PRSS23: variants seen among roughly 807,000 people sequenced by gnomAD.
PRSS23 encodes protease, serine 23.
A neutral mutation model predicts 34.7 loss-of-function variants in PRSS23; 25 were observed. The ratio of observed to expected loss-of-function variants is 0.72; its 90% CI spans 0.53 to 1.01. The LOEUF (loss-of-function observed/expected upper bound fraction) is 1.01. Among genes scored for constraint, PRSS23 ranks in the 50% least tolerant of loss-of-function variants. The pLI, the probability that PRSS23 is intolerant of heterozygous loss-of-function variation, is 0.00. For missense variants in PRSS23, 445 were observed against 475.6 expected (o/e 0.94, Z 0.60); for synonymous variants, 176 against 186.6 (o/e 0.94, Z 0.46).
chr11:86,914,042 T>TA (rs35087518), intron 2 of PRSS23, among the ~76,000 whole-genome samples: 21,793 of 114,754 alleles, frequency 0.19, 2,628 homozygotes, highest in East Asian at 0.35. Context: ...CCATCTCTAC[T>TA]AAAAAAAAAA....
At chr11:86,899,767 C>T (rs1293537254) in intron 2 of PRSS23, among the ~76,000 whole-genome samples, 2 of 151,640 alleles carry the variant, frequency 1.3e-5, no homozygotes, top group African/African-American at 2.4e-5. Context: ...CCACCTGCCT[C>T]GGCCTCCCAA....
At chr11:86,898,528 T>C (rs1235504241) in intron 2 of PRSS23, among the ~76,000 whole-genome samples, 1 of 152,250 alleles carries the variant, frequency 6.6e-6, no homozygotes, top group Non-Finnish European at 1.5e-5. Flanking sequence ...CATAGCTATT[T>C]GTCACTTTCC....
intron 2 of PRSS23, among the ~76,000 whole-genome samples, chr11:86,923,102 A>T (rs537817676): frequency 6.6e-6 from 1 of 151,732 alleles, no homozygotes; most frequent in South Asian, 2.1e-4. Flanking sequence ...ATATATGTTA[A>T]AATTAATTTC....
At chr11:86,832,880 G>A (rs1377310717) in intron 2 of PRSS23, 1 of 324,492 alleles carries the variant, frequency 3.1e-6, no homozygotes, top group Non-Finnish European at 6.0e-6. Flanking sequence ...ATTGGTGAAG[G>A]TGTCACAACA....
intron 2 of PRSS23, among the ~76,000 whole-genome samples, chr11:86,843,463 C>T (rs1296370272): frequency 3.3e-5 from 5 of 152,174 alleles, no homozygotes; most frequent in African/African-American, 4.8e-5. Flanking sequence ...GCAAAAGAAA[C>T]TACCATCAGA....
chr11:86,900,657 C>T (rs925194328), intron 2 of PRSS23, among the ~76,000 whole-genome samples: 6 of 151,880 alleles, frequency 4.0e-5, no homozygotes, highest in African/African-American at 1.2e-4. Flanking sequence ...AGTATATAGG[C>T]GGCATCCTCT....
chr11:86,928,602 A>G (rs34848642), intron 2 of PRSS23, among the ~76,000 whole-genome samples: 87,265 of 140,656 alleles, frequency 0.62, 27,605 homozygotes, highest in Non-Finnish European at 0.69. Flanking sequence ...TTGAACCCAG[A>G]AGACGGAGCT....
intron 2 of PRSS23, among the ~76,000 whole-genome samples, chr11:86,888,249 G>A (rs1948818552): frequency 6.6e-6 from 1 of 152,090 alleles, no homozygotes; most frequent in Admixed American, 6.6e-5. Context: ...AAACCTCTAT[G>A]CAGTCAAGGG....
chr11:86,889,766 C>T (rs183495698), intron 2 of PRSS23, among the ~76,000 whole-genome samples: 15 of 152,286 alleles, frequency 9.8e-5, no homozygotes, highest in Admixed American at 5.2e-4. Flanking sequence ...CCTGTCACTC[C>T]GAGACTTATC....
intron 2 of PRSS23, among the ~76,000 whole-genome samples, chr11:86,830,197 G>A (rs1948341045): frequency 6.6e-6 from 1 of 152,154 alleles, no homozygotes. Context: ...GGGCAATGGT[G>A]GGCGCCCCTC....
intron 2 of PRSS23, among the ~76,000 whole-genome samples, chr11:86,823,821 A>G (rs903429947): frequency 3.3e-5 from 5 of 151,854 alleles, no homozygotes; most frequent in Non-Finnish European, 7.4e-5. Context: ...CCTGGCTAAC[A>G]CGGTGAAACC....
At chr11:86,868,128 C>A (rs117093621) in intron 2 of PRSS23, among the ~76,000 whole-genome samples, 2,290 of 152,178 alleles carry the variant, frequency 0.015, 22 homozygotes, top group South Asian at 0.023. Context: ...CATTTGAGAC[C>A]ACAAGGAGCT....
chr11:86,921,051 C>G (rs1801624323), intron 2 of PRSS23, among the ~76,000 whole-genome samples: 1 of 152,196 alleles, frequency 6.6e-6, no homozygotes, highest in South Asian at 2.1e-4. Flanking sequence ...TCCTGGTCTC[C>G]CTGTTCAGCT....
At chr11:86,848,815 G>A (rs12802654) in intron 2 of PRSS23, among the ~76,000 whole-genome samples, 10,450 of 152,280 alleles carry the variant, frequency 0.069, 454 homozygotes, top group East Asian at 0.16. Flanking sequence ...TGCAGCCTTA[G>A]TCTTGGCTCT....
At position 86,808,605 on chromosome 11, in the gene PRSS23, A is replaced by C; in HGVS notation, c.962A>C (p.Tyr321Ser). ...AQPGASGSGV[Y>S]VRMWKRQQQK... ...CCAGGGGCCAGCGGGTCTGGGGTCT[A>C]TGTGAGGATGTGGAAGAGACAGCAG... Residue 321 changes from tyrosine to serine, a missense_variant, in exon 2 of 2, where the codon TAT becomes TCT. Tyr to Ser is a moderately radical substitution (Grantham distance 144, BLOSUM62 -2). Transcript: ENST00000280258. The C allele has an allele frequency of 1.2e-6, 2 of 1,614,216 alleles. No individual in the cohort carries two copies. Among genetic ancestry groups the C allele is most frequent in the Non-Finnish European group, 1.7e-6 (2 of 1,180,036 alleles).
rs151164318 is a variant in PRSS23, at chr11:86,935,633, C to A, written c.207-15583C>A. On this transcript the variant is annotated intron_variant, in intron 2 of 2. Coordinates refer to the PRSS23 transcript ENST00000533902. ...ACTGTTACCCCAAATGTTGTAATTA[C>A]CCCAACTGTTGGTAATTACCCCAAT... The A allele has an allele frequency of 5.2e-4, 79 of 152,244 alleles. 1 individual carries two copies. Among genetic ancestry groups the A allele is most frequent in the African/African-American group, 1.8e-3 (75 of 41,540 alleles). 9.4% of individuals were successfully genotyped at this position (152,244 alleles called of 1,614,324 possible).
intron 2 of PRSS23, among the ~76,000 whole-genome samples, chr11:86,917,828 T>G (rs1045832880): frequency 1.3e-5 from 2 of 152,204 alleles, no homozygotes; most frequent in African/African-American, 2.4e-5. Context: ...GTATAATTGA[T>G]TGCCTATTCA....
In PRSS23 at chr11:86,921,714, G is replaced by A. The variant is rs562035328; in HGVS notation, c.207-29502G>A. On this transcript the variant is annotated intron_variant, in intron 2 of 2. Coordinates refer to the PRSS23 transcript ENST00000533902. ...TATTTCAAGTTCACAGACTTTATTT[G>A]TGGCCCTTGTGGCAGTTGATACTTT... 3.9e-5 allele frequency: 6 copies of A among 152,270 alleles called. No individual in the cohort carries two copies. In the South Asian group the frequency reaches 1.2e-3, roughly 32 times the overall value. The allele number at this position is 152,270 out of a possible 1,614,324, so 9.4% of individuals were successfully genotyped here.
intron 2 of PRSS23, among the ~76,000 whole-genome samples, chr11:86,863,183 A>C (rs577054129): frequency 6.6e-5 from 10 of 152,136 alleles, no homozygotes; most frequent in Non-Finnish European, 1.2e-4. Context: ...CTGTGATATA[A>C]TTCCTAATAT....
Sources: gnomAD v4.1 joint callset for allele counts (sites outside exome capture counted in the v4.1 genomes callset) on GRCh38, gnomAD v4.1.1 for gene constraint, MANE v1.5 for transcripts, NCBI Gene and HGNC (gene_info 2026-07-23, HGNC 2026-07-21) for gene names.